Variants in LRP12 observed in about 807,000 individuals in gnomAD.
LRP12 encodes the protein LDL receptor related protein 12.
Under a neutral mutation model 66.0 loss-of-function variants are expected in LRP12, and 14 were observed. The observed-to-expected ratio is 0.21, with a 90% CI of 0.14 to 0.33. The LOEUF is 0.33. LRP12 is among the 10% of genes least tolerant of loss of function. The pLI, the probability that LRP12 is intolerant of heterozygous loss-of-function variation, is 1.00. For missense variants in LRP12, 889 were observed against 1,053.4 expected (o/e 0.84, Z 2.16); for synonymous variants, 357 against 359.1 (o/e 0.99, Z 0.07).
chr8:104,509,666 C>T (rs1179760320), intron 2 of LRP12, among the ~76,000 whole-genome samples: 1 of 152,048 alleles, frequency 6.6e-6, no homozygotes, highest in Non-Finnish European at 1.5e-5. Flanking sequence ...CTGTAAAGTG[C>T]TTCCATTAAG....
chr8:104,558,271 A>C (rs1160644973), intron 1 of LRP12, among the ~76,000 whole-genome samples: 1 of 152,114 alleles, frequency 6.6e-6, no homozygotes, highest in Non-Finnish European at 1.5e-5. Flanking sequence ...CCAATGGAAC[A>C]CAATAGAGAA....
At position 104,508,959 on chromosome 8, in the gene LRP12, T is replaced by G. The variant is rs764149352; in HGVS notation, c.252A>C (p.Pro84=). 6.2e-7 allele frequency: 1 copy of G among 1,613,080 alleles called. No homozygotes were observed. Among genetic ancestry groups the G allele is most frequent in the Non-Finnish European group, 8.5e-7 (1 of 1,179,312 alleles). ...INCSWFIRAN[P]GEIITISFQD... is the part of the protein sequence containing the mutation. ...ATTACCTTATAGTAATGATTTCGCC[T>G]GGGTTTGCCCTTATGAACCAGCTAC... The change falls in exon 3 of 7, where the codon CCA becomes CCC. Residue 84 remains proline, a synonymous_variant. Transcript: ENST00000276654.
chr8:104,580,379 A>C (rs1026877250), intron 1 of LRP12, among the ~76,000 whole-genome samples: 1 of 151,284 alleles, frequency 6.6e-6, no homozygotes, highest in African/African-American at 2.4e-5. Flanking sequence ...AAAAAAAAAA[A>C]ATTAGCCGGG....
At chr8:104,586,062 G>A (rs7813838) in intron 1 of LRP12, among the ~76,000 whole-genome samples, 4,658 of 152,252 alleles carry the variant, frequency 0.031, 235 homozygotes, top group African/African-American at 0.11. Context: ...GGTGGCAGAG[G>A]TCAACCTTTA....
chr8:104,524,643 C>G (rs1179670649), intron 2 of LRP12, among the ~76,000 whole-genome samples: 1 of 152,034 alleles, frequency 6.6e-6, no homozygotes, highest in Non-Finnish European at 1.5e-5. Flanking sequence ...AATGCATATA[C>G]AATTATTTTT....
intron 1 of LRP12, among the ~76,000 whole-genome samples, chr8:104,567,426 C>G (rs1185703825): frequency 1.3e-5 from 2 of 152,102 alleles, no homozygotes; most frequent in African/African-American, 4.8e-5. Flanking sequence ...ACTGGCCCCC[C>G]ATGATTTAAT....
At chr8:104,505,335 T>G (rs1810891309) in intron 3 of LRP12, 1 of 152,110 alleles carries the variant, frequency 6.6e-6, no homozygotes, top group Non-Finnish European at 1.5e-5. Context: ...CATTCTGTAT[T>G]AGTTTTGTTT....
At chr8:104,510,213 G>T (rs1021849291) in intron 2 of LRP12, among the ~76,000 whole-genome samples, 1 of 152,188 alleles carries the variant, frequency 6.6e-6, no homozygotes, top group African/African-American at 2.4e-5. Flanking sequence ...ATGCTGGATT[G>T]TAATTTTTGT....
Position 104,490,823 on chromosome 8 carries a change from A to G in LRP12, c.2430T>C (p.Tyr810=). Residue 810 remains tyrosine (Y), a synonymous_variant, in exon 7 of 7, where the codon TAT becomes TAC. Coordinates refer to ENST00000276654, the MANE Select transcript of LRP12 (RefSeq NM_013437.5). ...SDQGQGLRQP[Y]NATNPGVRPS... is the part of the protein sequence containing the mutation. ...GCCTTACTCCAGGATTTGTTGCATT[A>G]TATGGTTGTCTAAGCCCTTGTCCTT... 6.2e-7 allele frequency: 1 copy of G among 1,614,160 alleles called. No individual in the cohort carries two copies. Among genetic ancestry groups the G allele is most frequent in the South Asian group, 1.1e-5 (1 of 91,084 alleles).
In LRP12 at chr8:104,491,287, C is replaced by T. The variant is rs1325504116; in HGVS notation, c.1966G>A (p.Asp656Asn). The change falls in exon 7 of 7, where the codon GAC becomes AAC. Residue 656 changes from aspartate (D) to asparagine (N), a missense_variant. By Grantham distance (23) the Asp-to-Asn change is conservative. Transcript: ENST00000276654. ...ATATCTCTTCTCTCATTTTCTGTGT[C>T]TGTATCATCAGACTCCACGGAAAAC... ...SLFSVESDDT[D>N]TENERRDMAG... The T allele has an allele frequency of 1.9e-6, 3 of 1,614,026 alleles. No individual in the cohort carries two copies. The highest frequency in any genetic ancestry group is 1.7e-5 in the Admixed American group (1 of 60,002).
Position 104,588,937 on chromosome 8 carries a change from G to A in LRP12, c.-40C>T, listed in dbSNP as rs1812383123. On this transcript the variant is annotated 5_prime_UTR_variant, in exon 1 of 7. Transcript: ENST00000276654. ...GAGAGAGAGAGGAGGAGACGGAGGA[G>A]GAGGGAGGAGAAGCTGGAGGTAGAC... is the stretch of plus-strand genomic sequence containing the variant. 2.0e-6 allele frequency: 3 copies of A among 1,491,024 alleles called. No homozygotes were observed. The highest frequency in any genetic ancestry group is 2.5e-5 in the East Asian group (1 of 40,404). The allele number at this position is 1,491,024 out of a possible 1,614,324, so 92.4% of individuals were successfully genotyped here. A position where few individuals can be genotyped will look rare whatever the true frequency, so the allele number is the denominator to read the frequency against.
intron 2 of LRP12, among the ~76,000 whole-genome samples, chr8:104,519,935 T>C (rs1018234035): frequency 1.3e-5 from 2 of 151,998 alleles, no homozygotes; most frequent in African/African-American, 2.4e-5. Flanking sequence ...TCAAGGCAGG[T>C]AATTTCTTGG....
chr8:104,493,952 A>G (rs1034588804), intron 6 of LRP12, among the ~76,000 whole-genome samples: 2 of 152,142 alleles, frequency 1.3e-5, no homozygotes. Flanking sequence ...ATCGCAAGTG[A>G]GCTGCTTTCA....
intron 2 of LRP12, among the ~76,000 whole-genome samples, chr8:104,530,658 T>G: frequency 6.6e-6 from 1 of 152,148 alleles, no homozygotes; most frequent in East Asian, 1.9e-4. Flanking sequence ...TTTTAAAAGT[T>G]TATAATGGGT....
At position 104,589,243 on chromosome 8, in the gene LRP12, C is replaced by T. The variant is rs1812398454; in HGVS notation, c.-346G>A. On this transcript the variant is annotated 5_prime_UTR_variant, in exon 1 of 7. Coordinates refer to ENST00000276654, the MANE Select transcript of LRP12 (RefSeq NM_013437.5). ...TCGCGCCGCTCGGGCTAGCCGGCGC[C>T]GCCACTCGCCAGACTGAGCGCGCGC... Among the ~76,000 whole-genome samples the T allele has an allele frequency of 6.6e-6, 1 of 151,832 alleles. No homozygotes were observed. The highest frequency in any genetic ancestry group is 2.4e-5 in the African/African-American group (1 of 41,390).
intron 1 of LRP12, among the ~76,000 whole-genome samples, chr8:104,536,439 G>A (rs1811393400): frequency 6.6e-6 from 1 of 151,832 alleles, no homozygotes; most frequent in Non-Finnish European, 1.5e-5. Flanking sequence ...TAATTTTGGG[G>A]TGGGGGGAGT....
At chr8:104,524,893 A>G (rs552242098) in intron 2 of LRP12, among the ~76,000 whole-genome samples, 1 of 152,146 alleles carries the variant, frequency 6.6e-6, no homozygotes, top group African/African-American at 2.4e-5. Flanking sequence ...TTACAGAGTA[A>G]TTCAGTTTAA....
chr8:104,563,963 A>ACAATGAT (rs1811955294), intron 1 of LRP12, among the ~76,000 whole-genome samples: 1 of 152,224 alleles, frequency 6.6e-6, no homozygotes, highest in African/African-American at 2.4e-5. Context: ...TGCCTGGCTC[A>ACAATGAT]TAGTAACTAC....
At chr8:104,560,918 C>A (rs1811897612) in intron 1 of LRP12, among the ~76,000 whole-genome samples, 1 of 152,134 alleles carries the variant, frequency 6.6e-6, no homozygotes, top group South Asian at 2.1e-4. Flanking sequence ...CATCAGCTGT[C>A]CCGTAGAAGG....
Sources: allele counts gnomAD v4.1 joint callset (sites outside exome capture counted in the v4.1 genomes callset), GRCh38; gene constraint gnomAD v4.1.1; transcripts MANE v1.5; gene names NCBI Gene and HGNC (gene_info 2026-07-23, HGNC 2026-07-21).